Variants in ACSF2 observed in about 807,000 individuals in gnomAD.
ACSF2 encodes acyl-CoA synthetase family member 2.
Under a neutral mutation model 79.3 loss-of-function variants are expected in ACSF2, and 52 were observed. The observed-to-expected ratio is 0.66, with a 90% CI of 0.53 to 0.83. ACSF2 has a LOEUF of 0.83. Among genes scored for constraint, ACSF2 ranks in the 40% least tolerant of loss-of-function variants. The pLI is 0.00. For synonymous variants in ACSF2, 283 were observed against 312.6 expected (o/e 0.91, Z 1.00); for missense variants, 661 against 803.3 (o/e 0.82, Z 2.14).
At chr17:50,447,453 G>A (rs985744199) in intron 1 of ACSF2, among the ~76,000 whole-genome samples, 3 of 151,840 alleles carry the variant, frequency 2.0e-5, no homozygotes, top group Non-Finnish European at 4.4e-5. Flanking sequence ...GGGACAGGAG[G>A]ATCTCTTGAG....
chr17:50,467,039 G>C (rs1020544693), intron 10 of ACSF2, among the ~76,000 whole-genome samples: 2 of 152,170 alleles, frequency 1.3e-5, no homozygotes, highest in East Asian at 3.9e-4. Flanking sequence ...GAGGTATGAA[G>C]GTCTCCAGTA....
chr17:50,445,633 CA>C (rs1031354549), intron 1 of ACSF2, among the ~76,000 whole-genome samples: 2 of 151,854 alleles, frequency 1.3e-5, no homozygotes, highest in East Asian at 1.9e-4. Flanking sequence ...TCTGACTCTA[CA>C]AAAAAAATTT....
chr17:50,454,878 C>T (rs1021799806), intron 1 of ACSF2, among the ~76,000 whole-genome samples: 1 of 152,074 alleles, frequency 6.6e-6, no homozygotes, highest in African/African-American at 2.4e-5. Context: ...ATCAGCCTGC[C>T]GATTTCCCAA....
intron 10 of ACSF2, chr17:50,468,849 G>A: frequency 6.9e-7 from 1 of 1,454,094 alleles, no homozygotes. Flanking sequence ...GGGGGCAGCA[G>A]CGGCGGCGGG....
chr17:50,430,644 G>A (rs1010499603), intron 1 of ACSF2, among the ~76,000 whole-genome samples: 4 of 152,174 alleles, frequency 2.6e-5, no homozygotes, highest in Non-Finnish European at 4.4e-5. Flanking sequence ...CAACCTGGGC[G>A]ACAGAGCGAG....
intron 10 of ACSF2, chr17:50,468,397 G>T: frequency 6.2e-7 from 1 of 1,614,222 alleles, no homozygotes; most frequent in South Asian, 1.1e-5. Flanking sequence ...GCAACCCCCG[G>T]GGCAGCTCAG....
Position 50,473,715 on chromosome 17 carries a change from C to T in ACSF2, c.1526C>T (p.Ser509Phe). The T allele has an allele frequency of 6.2e-7, 1 of 1,614,238 alleles. No homozygotes were observed. Among genetic ancestry groups the T allele is most frequent in the South Asian group, 1.1e-5 (1 of 91,084 alleles). ...EQGFCKIVGRSKDMIIRGGEN... is the reference protein window; with the variant it reads ...EQGFCKIVGRFKDMIIRGGEN... ...GGCTTCTGCAAGATCGTGGGCCGCT[C>T]TAAGGATATGATCATCCGGGGTGGT... The change falls in exon 13 of 16, where the codon TCT becomes TTT. Residue 509 changes from serine to phenylalanine, a missense_variant. Transcript: ENST00000300441.
chr17:50,428,643 G>A (rs1049992583), intron 1 of ACSF2, among the ~76,000 whole-genome samples: 7 of 151,916 alleles, frequency 4.6e-5, no homozygotes, highest in South Asian at 2.1e-4. Flanking sequence ...TTAGCCTGGC[G>A]TGGTGGCACA....
chr17:50,452,789 G>A (rs910914259), intron 1 of ACSF2, among the ~76,000 whole-genome samples: 2 of 152,190 alleles, frequency 1.3e-5, no homozygotes, highest in African/African-American at 4.8e-5. Context: ...TTCCTCTTTC[G>A]AAATGATGGG....
chr17:50,464,491 G>T (rs2032553931), intron 10 of ACSF2, 197 bp downstream of exon 10: 1 of 698,486 alleles, frequency 1.4e-6, no homozygotes, highest in South Asian at 1.5e-5. Flanking sequence ...TGGCAGGGGA[G>T]TAAATATAAT....
Position 50,465,580 on chromosome 17 carries a change from G to A in ACSF2, c.1215+1286G>A. ...TTCATTTTACAAATGGGGAAACTGA[G>A]GCTCCCAGGGTCCCATGCTTATTAG... On this transcript the variant is annotated intron_variant, in intron 10 of 15. Transcript: ENST00000300441. 2.0e-6 allele frequency: 3 copies of A among 1,465,040 alleles called. No homozygotes were observed. In the East Asian group the frequency reaches 6.9e-5, roughly 33 times the overall value. 90.8% of individuals were successfully genotyped at this position (1,465,040 alleles called of 1,614,324 possible).
At chr17:50,457,871 G>T (rs1486486407) in intron 1 of ACSF2, among the ~76,000 whole-genome samples, 1 of 152,098 alleles carries the variant, frequency 6.6e-6, no homozygotes, top group African/African-American at 2.4e-5. Flanking sequence ...CAAGAGAGTG[G>T]TTGTCAAAGT....
chr17:50,468,357 G>C (rs997371357), intron 10 of ACSF2: 3 of 1,614,130 alleles, frequency 1.9e-6, no homozygotes, highest in Non-Finnish European at 2.5e-6. Context: ...TTGTTGAGCT[G>C]CAAGATGAAG....
Position 50,471,310 on chromosome 17 carries a change from G to A in ACSF2, c.1323+175G>A. ...GCCCGGAGTGTTCTCTGTGGGCTAA[G>A]CATGAAAGGGGAAGAGCTGGAACAG... is the stretch of plus-strand genomic sequence containing the variant. On this transcript the variant is annotated intron_variant, in intron 11 of 15. Transcript: ENST00000300441. This position sits in a 1 kb window ranked among gnomAD's most constrained non-coding sequence, Gnocchi z 4.1. The A allele has an allele frequency of 1.7e-6, 1 of 591,910 alleles. No homozygotes were observed. The highest frequency in any genetic ancestry group is 3.0e-6 in the Non-Finnish European group (1 of 330,614). 36.7% of individuals were successfully genotyped at this position (591,910 alleles called of 1,614,324 possible). A position where few individuals can be genotyped will look rare whatever the true frequency, so the allele number is the denominator to read the frequency against.
chr17:50,433,809 G>A (rs1461491481), intron 1 of ACSF2, among the ~76,000 whole-genome samples: 1 of 151,942 alleles, frequency 6.6e-6, no homozygotes, highest in African/African-American at 2.4e-5. Flanking sequence ...TGTTTTGGTA[G>A]AGACAGATTT....
At chr17:50,462,895 G>C in intron 6 of ACSF2, 1 of 582,614 alleles carries the variant, frequency 1.7e-6, no homozygotes. Flanking sequence ...AGACGCAGAA[G>C]AGAGAATTTG....
chr17:50,464,477 T>C (rs755736467), intron 10 of ACSF2, 183 bp downstream of exon 10: 28 of 708,506 alleles, frequency 4.0e-5, no homozygotes, highest in Middle Eastern at 4.5e-4. Flanking sequence ...GTGAAGGAGA[T>C]AGGTGGCAGG....
rs57403403 is a variant in ACSF2 at position 50,447,543 on chromosome 17, A to AAATAAT, written c.129-13115_129-13110dup. Reference sequence around the variant, plus strand: ...GGCCACAGAGTGAGACTCTGTCTCAAAATAATAATAATAATAATAATAATG... The same window carrying AAATAAT: ...GGCCACAGAGTGAGACTCTGTCTCAAAATAATAATAATAATAATAATAATAATAATG... On this transcript the variant is annotated intron_variant, in intron 1 of 15. Transcript: ENST00000300441. Among the ~76,000 whole-genome samples the AAATAAT allele has an allele frequency of 9.9e-3, 1,486 of 150,608 alleles. 22 individuals are homozygous for AAATAAT. The highest frequency in any genetic ancestry group is 0.03 in the African/African-American group (1,214 of 40,946).
intron 1 of ACSF2, among the ~76,000 whole-genome samples, chr17:50,438,673 G>A (rs1373297655): frequency 6.6e-6 from 1 of 151,948 alleles, no homozygotes; most frequent in Non-Finnish European, 1.5e-5. Context: ...TTCAAGAGAT[G>A]CTCCTGCCTC....
Sources: allele counts gnomAD v4.1 joint callset (sites outside exome capture counted in the v4.1 genomes callset), GRCh38; gene constraint gnomAD v4.1.1; non-coding constraint Gnocchi (gnomAD v3.1); transcripts MANE v1.5; gene names NCBI Gene and HGNC (gene_info 2026-07-23, HGNC 2026-07-21).